RAB2A: variants seen among roughly 807,000 people sequenced by gnomAD.
RAB2A encodes ras-related protein Rab-2A.
In RAB2A, 7 loss-of-function variants were observed where a neutral mutation model predicts 32.5. The observed-to-expected ratio is 0.22, with a 90% confidence interval of 0.12 to 0.40. The LOEUF (loss-of-function observed/expected upper bound fraction) is 0.40, where lower values mean the gene tolerates loss of function less well. Ranked by LOEUF, RAB2A falls within the 10% of genes least tolerant of loss-of-function variation. The pLI is 1.00. For missense variants in RAB2A, 108 were observed against 260.7 expected, an observed-to-expected ratio of 0.41 and a Z score of 4.03; for synonymous variants, 79 against 85.2, an observed-to-expected ratio of 0.93 and a Z score of 0.40.
chr8:60,518,317 C>A (rs1807243890), intron 1 of RAB2A, among the ~76,000 whole-genome samples: 1 of 152,100 alleles, frequency 6.6e-6, no homozygotes, highest in South Asian at 2.1e-4. Flanking sequence ...ATGTAAGCAG[C>A]AGTTTGTAGT....
At chr8:60,551,547 A>G (rs2130825601) in intron 1 of RAB2A, among the ~76,000 whole-genome samples, 1 of 152,308 alleles carries the variant, frequency 6.6e-6, no homozygotes, top group South Asian at 2.1e-4. Context: ...CCTACTTCTT[A>G]CAGGTTAGGA....
chr8:60,574,845 C>T (rs1356373826), intron 3 of RAB2A, among the ~76,000 whole-genome samples: 1 of 152,052 alleles, frequency 6.6e-6, no homozygotes, highest in Non-Finnish European at 1.5e-5. Flanking sequence ...TGTTTGTGTT[C>T]CTCTAGGAGG....
At chr8:60,613,006 A>G (rs188768240) in intron 6 of RAB2A, among the ~76,000 whole-genome samples, 8 of 152,320 alleles carry the variant, frequency 5.3e-5, no homozygotes, top group African/African-American at 1.9e-4. Flanking sequence ...AATTTGAAGA[A>G]GTTTCTTAAA....
chr8:60,569,943 G>A (rs1220242909), intron 2 of RAB2A: 1 of 455,980 alleles, frequency 2.2e-6, no homozygotes, highest in Non-Finnish European at 4.4e-6. Context: ...ACTTGGTCTT[G>A]GAATTGGGCA....
chr8:60,606,581 T>TA (rs1169278051), intron 6 of RAB2A, among the ~76,000 whole-genome samples: 1 of 152,240 alleles, frequency 6.6e-6, no homozygotes, highest in Non-Finnish European at 1.5e-5. Flanking sequence ...AACTAGGTGT[T>TA]ACTTAGCGGG....
chr8:60,603,915 A>C (rs1239564790), intron 6 of RAB2A, among the ~76,000 whole-genome samples: 1 of 152,146 alleles, frequency 6.6e-6, no homozygotes, highest in Non-Finnish European at 1.5e-5. Flanking sequence ...AAGAAGAAAG[A>C]AAATAGATGC....
intron 6 of RAB2A, among the ~76,000 whole-genome samples, chr8:60,601,451 C>T (rs1269180030): frequency 6.6e-6 from 1 of 152,182 alleles, no homozygotes; most frequent in African/African-American, 2.4e-5. Context: ...ACTTCTCCCA[C>T]CTCAGCCTCC....
chr8:60,543,390 GTACTCTCTATCCCTGTCTTCATTCA>G (rs1351077689), intron 1 of RAB2A, among the ~76,000 whole-genome samples: 11 of 151,670 alleles, frequency 7.3e-5, no homozygotes, highest in African/African-American at 2.7e-4. Flanking sequence ...TCACTTAACT[GTACTCTCTATCCCTGTCTTCATTCA>G]CTTAACTGTA....
chr8:60,587,078 G>A (rs1803863936), intron 5 of RAB2A, among the ~76,000 whole-genome samples: 1 of 152,050 alleles, frequency 6.6e-6, no homozygotes, highest in African/African-American at 2.4e-5. Flanking sequence ...CTTTGACAAA[G>A]AGGCACAATA....
At position 60,621,090 on chromosome 8, in the gene RAB2A, G is replaced by A. The variant is rs769003975; in HGVS notation, c.*321G>A. The A allele has an allele frequency of 2.9e-5, 6 of 207,804 alleles. No homozygotes were observed. Among genetic ancestry groups the A allele is most frequent in the Admixed American group, 5.4e-5 (1 of 18,360 alleles). 12.9% of individuals were successfully genotyped at this position (207,804 alleles called of 1,614,324 possible). A position where few individuals can be genotyped will look rare whatever the true frequency, so the allele number is the denominator to read the frequency against. ...AAAGTCATCTTGAGTATTTTAAATC[G>A]GTTTGTGTAGTTAGGTTTCCCAACA... On this transcript the variant is annotated 3_prime_UTR_variant, in exon 8 of 8. Coordinates refer to ENST00000262646, the MANE Select transcript of RAB2A (RefSeq NM_002865.3).
intron 1 of RAB2A, among the ~76,000 whole-genome samples, chr8:60,533,712 T>TGA (rs1807514888): frequency 6.6e-6 from 1 of 152,166 alleles, no homozygotes; most frequent in Admixed American, 6.5e-5. Flanking sequence ...GGCTTACATC[T>TGA]GTAATCCCAG....
intron 3 of RAB2A, among the ~76,000 whole-genome samples, chr8:60,572,900 G>A (rs1421545991): frequency 2.0e-5 from 3 of 152,112 alleles, no homozygotes; most frequent in African/African-American, 4.8e-5. Flanking sequence ...ACTTGTTAGG[G>A]TAGATAATAT....
intron 2 of RAB2A, among the ~76,000 whole-genome samples, chr8:60,571,177 T>G (rs1007874393): frequency 6.6e-6 from 1 of 152,218 alleles, no homozygotes; most frequent in Non-Finnish European, 1.5e-5. Context: ...AGTAAACTTG[T>G]AAGTGTGAAG....
intron 1 of RAB2A, among the ~76,000 whole-genome samples, chr8:60,518,383 G>A (rs1807245008): frequency 6.6e-6 from 1 of 151,988 alleles, no homozygotes; most frequent in Admixed American, 6.6e-5. Flanking sequence ...TTGGCCGGAC[G>A]CGGTGGCTCA....
At chr8:60,593,617 A>G (rs1224490010) in intron 6 of RAB2A, among the ~76,000 whole-genome samples, 2 of 152,216 alleles carry the variant, frequency 1.3e-5, no homozygotes, top group Non-Finnish European at 2.9e-5. Flanking sequence ...GAGGAAGCCA[A>G]CTAAACAGTG....
chr8:60,525,957 A>G (rs984449854), intron 1 of RAB2A, among the ~76,000 whole-genome samples: 4 of 146,464 alleles, frequency 2.7e-5, no homozygotes, highest in African/African-American at 9.9e-5. Flanking sequence ...ATATGTATAT[A>G]TGTATATATA....
At position 60,623,445 on chromosome 8, in the gene RAB2A, G is replaced by C. The variant is rs1804561556; in HGVS notation, c.*2676G>C. 6.6e-6 allele frequency: 1 copy of C among 152,130 alleles called. No homozygotes were observed. The allele number at this position is 152,130 out of a possible 1,614,324, so 9.4% of individuals were successfully genotyped here. A position where few individuals can be genotyped will look rare whatever the true frequency, so the allele number is the denominator to read the frequency against. ...GTAAAGCCCCATCTCAGTTTATTTA[G>C]TCCTGAGGTTGGCAGCATGGGGTTT... On this transcript the variant is annotated 3_prime_UTR_variant, in exon 8 of 8. Coordinates refer to ENST00000262646, the MANE Select transcript of RAB2A (RefSeq NM_002865.3).
At chr8:60,577,916 A>G (rs1307252112) in intron 3 of RAB2A, among the ~76,000 whole-genome samples, 1 of 149,130 alleles carries the variant, frequency 6.7e-6, no homozygotes, top group Admixed American at 6.9e-5. Flanking sequence ...TGCTGGGATT[A>G]TAGGCGTGAG....
At position 60,605,836 on chromosome 8, in the gene RAB2A, TATAC is replaced by T. The variant is rs1047863226; in HGVS notation, c.475-12740_475-12737del. ...CATAGGCAAAAGGGACTAATACATA[TATAC>T]ATATATATATATAATGCTTCATTTC... is the stretch of plus-strand genomic sequence containing the variant. On this transcript the variant is annotated intron_variant, in intron 6 of 7. Transcript: ENST00000262646. 5.9e-4 allele frequency among the ~76,000 whole-genome samples: 84 copies of T among 141,518 alleles called. 8 individuals are homozygous for T. In the East Asian group the frequency reaches 0.012, roughly 20 times the overall value. The allele number at this position is 141,518 out of a possible 152,430, so 92.8% of individuals were successfully genotyped here.
Sources: gnomAD v4.1 joint callset for allele counts (sites outside exome capture counted in the v4.1 genomes callset) on GRCh38, gnomAD v4.1.1 for gene constraint, MANE v1.5 for transcripts, NCBI Gene and HGNC (gene_info 2026-07-23, HGNC 2026-07-21) for gene names.